MAML2: variants seen among roughly 807,000 people sequenced by gnomAD.
MAML2 encodes mastermind-like protein 2.
In MAML2, 22 loss-of-function variants were observed where a neutral mutation model predicts 96.1. The observed-to-expected ratio is 0.23, with a 90% CI of 0.16 to 0.33. The LOEUF (loss-of-function observed/expected upper bound fraction) is 0.33. Ranked by LOEUF, MAML2 falls within the 10% of genes least tolerant of loss-of-function variation. The probability of loss-of-function intolerance (pLI) is 1.00; values close to 1 mark genes in which losing one functional copy is unlikely to be tolerated. For missense variants in MAML2, 1,367 were observed against 1,392.4 expected (o/e 0.98, Z 0.29); for synonymous variants, 561 against 521.3 (o/e 1.08, Z -1.04).
chr11:96,283,090 G>A (rs1863093760), intron 1 of MAML2, among the ~76,000 whole-genome samples: 1 of 152,160 alleles, frequency 6.6e-6, no homozygotes, highest in Non-Finnish European at 1.5e-5. Context: ...ATGAAAGATC[G>A]TGTAATCCAC....
chr11:96,069,626 G>A (rs770349172), intron 2 of MAML2, among the ~76,000 whole-genome samples: 3 of 152,054 alleles, frequency 2.0e-5, no homozygotes, highest in African/African-American at 4.8e-5. Flanking sequence ...GCAGTGAGTC[G>A]CCATAATGCC....
chr11:95,992,737 C>G (rs757800434), intron 2 of MAML2, among the ~76,000 whole-genome samples: 2 of 152,162 alleles, frequency 1.3e-5, no homozygotes, highest in African/African-American at 4.8e-5. Flanking sequence ...TGGGAATCAG[C>G]TTATAAGGCA....
chr11:96,133,025 C>G (rs999925651), intron 1 of MAML2, among the ~76,000 whole-genome samples: 1 of 152,188 alleles, frequency 6.6e-6, no homozygotes, highest in Non-Finnish European at 1.5e-5. Context: ...TGTTACATCT[C>G]ATTCAATAAT....
At chr11:96,307,373 A>G (rs1467731883) in intron 1 of MAML2, among the ~76,000 whole-genome samples, 1 of 152,232 alleles carries the variant, frequency 6.6e-6, no homozygotes, top group Admixed American at 6.5e-5. Flanking sequence ...ACTGTAAAGG[A>G]AGAGTGAGAG....
chr11:96,043,479 T>C (rs2135758548), intron 2 of MAML2, among the ~76,000 whole-genome samples: 1 of 152,350 alleles, frequency 6.6e-6, no homozygotes, highest in Middle Eastern at 3.4e-3. Context: ...AAATATACTT[T>C]AATGGTCACT....
intron 1 of MAML2, among the ~76,000 whole-genome samples, chr11:96,254,007 A>C (rs1448877128): frequency 6.6e-6 from 1 of 152,232 alleles, no homozygotes; most frequent in Non-Finnish European, 1.5e-5. Context: ...GAATAAATAC[A>C]ATACACTGAA....
At chr11:96,072,891 C>A (rs956832218) in intron 2 of MAML2, among the ~76,000 whole-genome samples, 1 of 152,180 alleles carries the variant, frequency 6.6e-6, no homozygotes, top group East Asian at 1.9e-4. Context: ...CATGTGCCTC[C>A]AAGACTAAAC....
chr11:96,162,014 G>T (rs749627279), intron 1 of MAML2, among the ~76,000 whole-genome samples: 1 of 152,072 alleles, frequency 6.6e-6, no homozygotes, highest in Non-Finnish European at 1.5e-5. Context: ...TTCATTTTCA[G>T]CTCTTGAAAA....
At chr11:96,235,849 A>G (rs1388329062) in intron 1 of MAML2, among the ~76,000 whole-genome samples, 2 of 152,238 alleles carry the variant, frequency 1.3e-5, no homozygotes, top group African/African-American at 4.8e-5. Flanking sequence ...GCTGTATCAC[A>G]GTCATACCAG....
intron 2 of MAML2, among the ~76,000 whole-genome samples, chr11:96,034,466 T>A (rs1260145247): frequency 1.1e-4 from 17 of 150,204 alleles, no homozygotes; most frequent in Admixed American, 5.3e-4. Flanking sequence ...AGTGTGTGTG[T>A]GTGTGTGTGT....
rs71040130 is a variant in MAML2 at position 96,121,950 on chromosome 11, C to CTTTTTTT, written c.514-28440_514-28434dup. On this transcript the variant is annotated intron_variant, in intron 1 of 4. Coordinates refer to ENST00000524717, the MANE Select transcript of MAML2 (RefSeq NM_032427.4). ...TACAGGCACCCGCCACCACGCCCGG[C>CTTTTTTT]TTTTTTTTTTTTTTTTTTTTTTTTT... Among the ~76,000 whole-genome samples the CTTTTTTT allele has an allele frequency of 1.4e-3, 77 of 56,850 alleles. 2 individuals are homozygous for CTTTTTTT. Among genetic ancestry groups the CTTTTTTT allele is most frequent in the East Asian group, 1.7e-3 (3 of 1,734 alleles). 37.3% of individuals were successfully genotyped at this position (56,850 alleles called of 152,430 possible).
chr11:96,207,691 C>A (rs567239724), intron 1 of MAML2, among the ~76,000 whole-genome samples: 1 of 152,308 alleles, frequency 6.6e-6, no homozygotes, highest in African/African-American at 2.4e-5. Flanking sequence ...ATTGTCCAGG[C>A]AGTATATGCA....
In MAML2 at chr11:96,323,363, A is replaced by G. The variant is rs950876389; in HGVS notation, c.513+18020T>C. Among the ~76,000 whole-genome samples the G allele has an allele frequency of 2.0e-5, 3 of 152,100 alleles. No homozygotes were observed. The South Asian group carries it at 6.2e-4, about 32-fold the overall frequency. On this transcript the variant is annotated intron_variant, in intron 1 of 4. Coordinates refer to ENST00000524717, the MANE Select transcript of MAML2 (RefSeq NM_032427.4). Reference sequence around the variant, plus strand: ...CTAGCCAAAGAGAATTTCCCTCAGAATATTCACCACAGTAATGGTATCTTT... The same window carrying G: ...CTAGCCAAAGAGAATTTCCCTCAGAGTATTCACCACAGTAATGGTATCTTT...
chr11:96,203,323 A>G (rs1342994716), intron 1 of MAML2, among the ~76,000 whole-genome samples: 2 of 152,200 alleles, frequency 1.3e-5, no homozygotes, highest in African/African-American at 4.8e-5. Context: ...TATTTTAATG[A>G]TTTTTCAAAT....
At chr11:96,264,808 T>C (rs2135975663) in intron 1 of MAML2, among the ~76,000 whole-genome samples, 1 of 152,322 alleles carries the variant, frequency 6.6e-6, no homozygotes, top group Non-Finnish European at 1.5e-5. Flanking sequence ...TTGCTTCAAA[T>C]ACTCTAAAAA....
chr11:96,039,932 T>C (rs372037987), intron 2 of MAML2, among the ~76,000 whole-genome samples: 3 of 141,530 alleles, frequency 2.1e-5, no homozygotes, highest in Non-Finnish European at 4.5e-5. Context: ...CACTCCAGCC[T>C]GAGCGACAGT....
rs529821113 is a variant in MAML2, at chr11:96,279,079, TA to T, written c.513+62303del. 7.9e-5 allele frequency among the ~76,000 whole-genome samples: 12 copies of T among 151,968 alleles called. No homozygotes were observed. In the South Asian group the frequency reaches 2.3e-3, roughly 29 times the overall value. On this transcript the variant is annotated intron_variant, in intron 1 of 4. Transcript: ENST00000524717. Reference sequence around the variant, plus strand: ...AGAACTCACATATTTCTGGTTAGGATAAAAGACTGATTGACTGACATGAAGA... The same window carrying T: ...AGAACTCACATATTTCTGGTTAGGATAAAGACTGATTGACTGACATGAAGA...
intron 4 of MAML2, among the ~76,000 whole-genome samples, chr11:95,981,500 A>T (rs1857736541): frequency 6.6e-6 from 1 of 152,172 alleles, no homozygotes; most frequent in South Asian, 2.1e-4. Context: ...GCAATTGTAA[A>T]CGTGGGCTAT....
At chr11:96,190,698 C>T (rs527942370) in intron 1 of MAML2, among the ~76,000 whole-genome samples, 14 of 152,214 alleles carry the variant, frequency 9.2e-5, no homozygotes, top group African/African-American at 3.4e-4. Flanking sequence ...TGACATTTAA[C>T]GGGGATAAAT....
Sources: gnomAD v4.1 joint callset for allele counts (sites outside exome capture counted in the v4.1 genomes callset) on GRCh38, gnomAD v4.1.1 for gene constraint, MANE v1.5 for transcripts, NCBI Gene and HGNC (gene_info 2026-07-23, HGNC 2026-07-21) for gene names.